Variants in PARD3B observed in about 807,000 individuals in gnomAD.
The protein encoded by PARD3B is par-3 family cell polarity regulator beta.
Under a neutral mutation model 130.2 loss-of-function variants are expected in PARD3B, and 103 were observed. The ratio of observed to expected loss-of-function variants is 0.79; its 90% CI spans 0.67 to 0.93. PARD3B has a LOEUF of 0.93. Ranked by LOEUF, PARD3B falls within the 40% of genes least tolerant of loss-of-function variation. The probability of loss-of-function intolerance (pLI) is 0.00; values close to 1 mark genes in which losing one functional copy is unlikely to be tolerated. For synonymous variants in PARD3B, 583 were observed against 553.2 expected (o/e 1.05, Z -0.76); for missense variants, 1,609 against 1,499.2 (o/e 1.07, Z -1.21).
intron 2 of PARD3B, among the ~76,000 whole-genome samples, chr2:204,854,142 A>G (rs1265877810): frequency 1.3e-5 from 2 of 152,210 alleles, no homozygotes; most frequent in African/African-American, 2.4e-5. Flanking sequence ...AGATGAGGGA[A>G]CAAGTGATGT....
chr2:205,616,012 A>G lies in PARD3B; in HGVS notation c.*199A>G. ...GAATTGGGGAGGAAAAAAAATCAGA[A>G]GGAAGACGAAAGATGGGGCTATAAA... On this transcript the variant is annotated 3_prime_UTR_variant, in exon 23 of 23. Coordinates refer to ENST00000406610, the MANE Select transcript of PARD3B (RefSeq NM_001302769.2). The G allele has an allele frequency of 1.8e-6, 1 of 558,726 alleles. No individual in the cohort carries two copies. Among genetic ancestry groups the G allele is most frequent in the Non-Finnish European group, 3.1e-6 (1 of 323,026 alleles). The allele number at this position is 558,726 out of a possible 1,614,324, so 34.6% of individuals were successfully genotyped here. A position where few individuals can be genotyped will look rare whatever the true frequency, so the allele number is the denominator to read the frequency against.
chr2:204,746,009 C>G (rs1286694961), intron 2 of PARD3B, among the ~76,000 whole-genome samples: 2 of 148,762 alleles, frequency 1.3e-5, no homozygotes, highest in East Asian at 2.0e-4. Context: ...ACTTTAAGTT[C>G]TAGGGTACAT....
In PARD3B at chr2:204,661,416, T is replaced by C. The variant is rs531206543; in HGVS notation, c.121-24765T>C. Among the ~76,000 whole-genome samples the C allele has an allele frequency of 7.6e-4, 116 of 152,170 alleles. 2 individuals are homozygous for C. The highest frequency in any genetic ancestry group is 1.2e-3 in the Non-Finnish European group (85 of 68,030). Reference sequence around the variant, plus strand: ...GCCTTGGAGTCCCCGAGATGCAACTTACTTTCCCCTTTAAAATATCTAAAC... The same window carrying C: ...GCCTTGGAGTCCCCGAGATGCAACTCACTTTCCCCTTTAAAATATCTAAAC... On this transcript the variant is annotated intron_variant, in intron 1 of 22. Coordinates refer to ENST00000406610, the MANE Select transcript of PARD3B (RefSeq NM_001302769.2).
Position 205,230,891 on chromosome 2 carries a change from T to G in PARD3B, c.2141-14887T>G, listed in dbSNP as rs530790876. Among the ~76,000 whole-genome samples, 7 of 152,204 alleles carry G rather than the reference T, an allele frequency of 4.6e-5. No individual in the cohort carries two copies. In the South Asian group the frequency reaches 1.5e-3, roughly 32 times the overall value. ...ACTCTGGCTGTGTTCTGCCTGGTGT[T>G]GCTTTCCACCATGACAGGGTGGAAA... is the stretch of plus-strand genomic sequence containing the variant. On this transcript the variant is annotated intron_variant, in intron 15 of 22. Transcript: ENST00000406610. The surrounding 1 kb of genome is among the most constrained non-coding windows in gnomAD (Gnocchi z 4.1).
intron 18 of PARD3B, among the ~76,000 whole-genome samples, chr2:205,333,219 A>G (rs958833799): frequency 6.6e-6 from 1 of 152,146 alleles, no homozygotes; most frequent in Non-Finnish European, 1.5e-5. Flanking sequence ...ACATTGTCTA[A>G]TAGGGTAGCC....
intron 2 of PARD3B, among the ~76,000 whole-genome samples, chr2:204,829,590 A>G (rs1460476910): frequency 6.6e-6 from 1 of 152,144 alleles, no homozygotes; most frequent in Non-Finnish European, 1.5e-5. Flanking sequence ...GTTGAATTGT[A>G]ATCCCCAGTG....
At chr2:204,575,635 CCCCTGCCTGTTCTCCT>C (rs2032218634) in intron 1 of PARD3B, among the ~76,000 whole-genome samples, 1 of 152,202 alleles carries the variant, frequency 6.6e-6, no homozygotes, top group Non-Finnish European at 1.5e-5. Flanking sequence ...GAGATGCAGG[CCCCTGCCTGTTCTCCT>C]CCTGGCTCTC....
At chr2:204,691,493 G>T (rs1040277855) in intron 2 of PARD3B, among the ~76,000 whole-genome samples, 1 of 152,036 alleles carries the variant, frequency 6.6e-6, no homozygotes, top group African/African-American at 2.4e-5. Context: ...TATAATTTCA[G>T]TTCAGTTTTA....
intron 2 of PARD3B, among the ~76,000 whole-genome samples, chr2:204,741,947 G>C (rs1303942903): frequency 6.6e-6 from 1 of 152,048 alleles, no homozygotes; most frequent in Non-Finnish European, 1.5e-5. Flanking sequence ...TTCTCAGTGT[G>C]GTCCCTGGGC....
At position 205,301,866 on chromosome 2, in the gene PARD3B, C is replaced by A; in HGVS notation, c.2630+165C>A. On this transcript the variant is annotated intron_variant, in intron 18 of 22. Coordinates refer to ENST00000406610, the MANE Select transcript of PARD3B (RefSeq NM_001302769.2). The surrounding 1 kb of genome is among the most constrained non-coding windows in gnomAD (Gnocchi z 5.2). ...TTCTCTTTCTGCAGAGGCAGAGGAG[C>A]TTTTTGGGGAAAGTTACAGTGATGA... 3 of 1,117,338 alleles carry A rather than the reference C, an allele frequency of 2.7e-6. No individual in the cohort carries two copies. Among genetic ancestry groups the A allele is most frequent in the Non-Finnish European group, 4.1e-6 (3 of 732,870 alleles). The allele number at this position is 1,117,338 out of a possible 1,614,324, so 69.2% of individuals were successfully genotyped here. A position where few individuals can be genotyped will look rare whatever the true frequency, so the allele number is the denominator to read the frequency against.
intron 2 of PARD3B, among the ~76,000 whole-genome samples, chr2:204,927,816 CTACGTAGGTAGGTAGGTAGG>C (rs969333324): frequency 2.0e-5 from 3 of 151,084 alleles, no homozygotes; most frequent in African/African-American, 7.3e-5. Flanking sequence ...AGATAGATAG[CTACGTAGGTAGGTAGGTAGG>C]TACGTAGGTA....
intron 20 of PARD3B, among the ~76,000 whole-genome samples, chr2:205,448,048 G>A (rs2047969239): frequency 6.6e-6 from 1 of 152,170 alleles, no homozygotes; most frequent in African/African-American, 2.4e-5. Context: ...GCTTAGCACT[G>A]GCCTTAAGAA....
chr2:204,783,770 A>G (rs1301844247), intron 2 of PARD3B, among the ~76,000 whole-genome samples: 1 of 152,106 alleles, frequency 6.6e-6, no homozygotes, highest in Non-Finnish European at 1.5e-5. Flanking sequence ...AAACCTAAGC[A>G]GCCTGGCTTC....
chr2:204,779,811 T>C (rs768330604), intron 2 of PARD3B, among the ~76,000 whole-genome samples: 3 of 152,144 alleles, frequency 2.0e-5, no homozygotes, highest in Non-Finnish European at 4.4e-5. Flanking sequence ...ATAAAGTGTT[T>C]TTGCAAAAAT....
intron 2 of PARD3B, among the ~76,000 whole-genome samples, chr2:204,731,486 A>AT (rs887253398): frequency 6.6e-6 from 1 of 152,142 alleles, no homozygotes; most frequent in Middle Eastern, 3.2e-3. Context: ...TTAAGTTTTA[A>AT]TTTTTCCCCC....
intron 10 of PARD3B, among the ~76,000 whole-genome samples, chr2:205,147,119 AC>A (rs1215346434): frequency 6.6e-6 from 1 of 152,234 alleles, no homozygotes; most frequent in Non-Finnish European, 1.5e-5. Flanking sequence ...AGAAGTAAAA[AC>A]AAAACAAAAC....
chr2:205,021,613 TCTCTCTCC>T lies in PARD3B; in HGVS notation c.395-25960_395-25953del, dbSNP rs1442649023. Among the ~76,000 whole-genome samples, 5 of 140,282 alleles carry T rather than the reference TCTCTCTCC, an allele frequency of 3.6e-5. No individual in the cohort carries two copies. Among genetic ancestry groups the T allele is most frequent in the African/African-American group, 1.1e-4 (4 of 37,400 alleles). 92.0% of individuals were successfully genotyped at this position (140,282 alleles called of 152,430 possible). A position where few individuals can be genotyped will look rare whatever the true frequency, so the allele number is the denominator to read the frequency against. On this transcript the variant is annotated intron_variant, in intron 3 of 22. Transcript: ENST00000406610. The surrounding 1 kb of genome is among the most constrained non-coding windows in gnomAD (Gnocchi z 4.5). Reference sequence around the variant, plus strand: ...CTTCTCTTCTCTCTCTCTCTCTCTCTCTCTCTCCCTCTCTCTTTCTCTCTCTCTCTCTC... The same window carrying T: ...CTTCTCTTCTCTCTCTCTCTCTCTCTCTCTCTCTTTCTCTCTCTCTCTCTC...
At chr2:204,969,665 G>A (rs544217070) in intron 3 of PARD3B, among the ~76,000 whole-genome samples, 10 of 152,158 alleles carry the variant, frequency 6.6e-5, no homozygotes, top group Non-Finnish European at 1.0e-4. Context: ...AACAGTGCTT[G>A]TTCAGTTGCA....
intron 21 of PARD3B, among the ~76,000 whole-genome samples, chr2:205,542,034 T>G (rs2052163068): frequency 6.7e-6 from 1 of 149,986 alleles, no homozygotes; most frequent in Admixed American, 6.7e-5. Flanking sequence ...TCTCAGCTAC[T>G]CGGGAAGCTG....
Sources: gnomAD v4.1 joint callset for allele counts (sites outside exome capture counted in the v4.1 genomes callset) on GRCh38, gnomAD v4.1.1 for gene constraint, Gnocchi (gnomAD v3.1) non-coding constraint, MANE v1.5 for transcripts, NCBI Gene and HGNC (gene_info 2026-07-23, HGNC 2026-07-21) for gene names.